LRIF1: variants seen among roughly 807,000 people sequenced by gnomAD.
LRIF1 encodes the protein ligand-dependent nuclear receptor-interacting factor 1.
A neutral mutation model predicts 52.7 loss-of-function variants in LRIF1; 32 were observed. That is an observed-to-expected ratio of 0.61 (90% CI 0.46 to 0.82). The LOEUF is 0.82. LRIF1 is among the 40% of genes least tolerant of loss of function. LRIF1 has a pLI of 0.00. For missense variants in LRIF1, 887 were observed against 892.0 expected (o/e 0.99, Z 0.07); for synonymous variants, 323 against 317.4 (o/e 1.02, Z -0.19).
the LRIF1 span, among the ~76,000 whole-genome samples, chr1:110,907,659 G>A: frequency 6.6e-6 from 1 of 152,106 alleles, no homozygotes; most frequent in Non-Finnish European, 1.5e-5. Flanking sequence ...GCTTGAATCC[G>A]GGATGCAGAG....
At chr1:110,917,668 G>T in the LRIF1 span, among the ~76,000 whole-genome samples, 1 of 142,364 alleles carries the variant, frequency 7.0e-6, no homozygotes, top group African/African-American at 2.6e-5. Flanking sequence ...TTTGGAGAGA[G>T]GTCAACATAA....
the LRIF1 span, chr1:110,892,683 A>G: frequency 1.5e-6 from 1 of 681,892 alleles, no homozygotes; most frequent in South Asian, 1.8e-5. Flanking sequence ...TGCCCAGACC[A>G]ATAGTATATT....
At chr1:110,905,993 G>C in the LRIF1 span, among the ~76,000 whole-genome samples, 1 of 151,896 alleles carries the variant, frequency 6.6e-6, no homozygotes, top group Admixed American at 6.6e-5. Context: ...ATATAAGATA[G>C]TATTTGCAAG....
At chr1:110,946,847 G>A (rs1463116162), downstream of LRIF1, among the ~76,000 whole-genome samples, 1 of 152,034 alleles carries the variant, frequency 6.6e-6, no homozygotes, top group Non-Finnish European at 1.5e-5. Flanking sequence ...AGTAGAGACA[G>A]GGTTTCGCCA....
chr1:110,897,579 G>T, the LRIF1 span: 1 of 384,064 alleles, frequency 2.6e-6, no homozygotes, highest in South Asian at 4.5e-5. Flanking sequence ...AAGGATCTAG[G>T]ACTTCTACAT....
chr1:110,927,678 A>C, the LRIF1 span, among the ~76,000 whole-genome samples: 8 of 152,244 alleles, frequency 5.3e-5, no homozygotes, highest in Admixed American at 3.9e-4. Flanking sequence ...TCAGCTACAA[A>C]ATGGCTGCTG....
downstream of LRIF1, among the ~76,000 whole-genome samples, chr1:110,946,640 G>C (rs1459613202): frequency 1.4e-5 from 2 of 144,032 alleles, no homozygotes; most frequent in Non-Finnish European, 3.0e-5. Context: ...CTTACTTCCA[G>C]AGATTTGATC....
chr1:110,930,691 G>C, the LRIF1 span, among the ~76,000 whole-genome samples: 63,393 of 151,908 alleles, frequency 0.42, 14,291 homozygotes, highest in East Asian at 0.7. Context: ...TGAATTTTAG[G>C]GGGGACAAAA....
chr1:110,881,678 G>A, the LRIF1 span, among the ~76,000 whole-genome samples: 3 of 152,272 alleles, frequency 2.0e-5, no homozygotes, highest in East Asian at 3.9e-4. Flanking sequence ...TGTACAAAAC[G>A]AGCAAACTGC....
chr1:110,914,812 G>T, the LRIF1 span, among the ~76,000 whole-genome samples: 1 of 152,084 alleles, frequency 6.6e-6, no homozygotes, highest in East Asian at 1.9e-4. Flanking sequence ...AAATAATACA[G>T]ATCTTACCAA....
chr1:110,911,845 G>A, the LRIF1 span, among the ~76,000 whole-genome samples: 1 of 152,066 alleles, frequency 6.6e-6, no homozygotes, highest in Non-Finnish European at 1.5e-5. Context: ...AGCCAATGAG[G>A]GAATGTACCT....
chr1:110,959,857 A>G (rs1658874457), intron 1 of LRIF1, among the ~76,000 whole-genome samples: 1 of 152,108 alleles, frequency 6.6e-6, no homozygotes, highest in East Asian at 1.9e-4. Context: ...AGGCATTCAT[A>G]TATTAGAAAT....
chr1:110,954,440 C>A lies in LRIF1; in HGVS notation c.69-1625G>T, dbSNP rs552111724. 6.6e-5 allele frequency among the ~76,000 whole-genome samples: 10 copies of A among 152,180 alleles called. 1 individual carries two copies. In the East Asian group the frequency reaches 1.9e-3, roughly 29 times the overall value. ...AGACCACAGATGCACGCCACCAAAC[C>A]CGGCTAATTTTTGTATTTTTTATAG... On this transcript the variant is annotated intron_variant, in intron 1 of 3. Coordinates refer to ENST00000369763, the MANE Select transcript of LRIF1 (RefSeq NM_018372.4).
chr1:110,909,296 C>A, the LRIF1 span, among the ~76,000 whole-genome samples: 1 of 152,068 alleles, frequency 6.6e-6, no homozygotes, highest in African/African-American at 2.4e-5. Flanking sequence ...GAGCTTACTG[C>A]CATTATAAAG....
chr1:110,925,957 C>T, the LRIF1 span, among the ~76,000 whole-genome samples: 3 of 151,794 alleles, frequency 2.0e-5, no homozygotes, highest in Non-Finnish European at 4.4e-5. Context: ...AATCTAATAA[C>T]AAATGTGTAA....
the LRIF1 span, among the ~76,000 whole-genome samples, chr1:110,910,144 T>C: frequency 0.056 from 8,461 of 151,940 alleles, 283 homozygotes; most frequent in East Asian, 0.14. Context: ...CTAAGAGAGA[T>C]ATCTAGAATC....
At chr1:110,915,720 G>C in the LRIF1 span, among the ~76,000 whole-genome samples, 1 of 152,064 alleles carries the variant, frequency 6.6e-6, no homozygotes, top group African/African-American at 2.4e-5. Context: ...CTTGATCCGG[G>C]TGTTATACAC....
chr1:110,893,983 A>G, the LRIF1 span, among the ~76,000 whole-genome samples: 9 of 152,274 alleles, frequency 5.9e-5, no homozygotes, highest in Middle Eastern at 3.4e-3. Context: ...CCAGGCCCCA[A>G]ATGATCTAGT....
chr1:110,960,074 T>C (rs1367405553), intron 1 of LRIF1, among the ~76,000 whole-genome samples: 5 of 152,314 alleles, frequency 3.3e-5, no homozygotes, highest in South Asian at 4.1e-4. Flanking sequence ...TACCAGTTGT[T>C]ACTAACTCTA....
Sources: allele counts gnomAD v4.1 joint callset (sites outside exome capture counted in the v4.1 genomes callset), GRCh38; gene constraint gnomAD v4.1.1; transcripts MANE v1.5; gene names NCBI Gene and HGNC (gene_info 2026-07-23, HGNC 2026-07-21).